KCNAB2: variants seen among roughly 807,000 people sequenced by gnomAD.
KCNAB2 encodes the protein voltage-gated potassium channel subunit beta-2.
Under a neutral mutation model 63.6 loss-of-function variants are expected in KCNAB2, and 29 were observed. That is an observed-to-expected ratio of 0.46 (90% CI 0.34 to 0.62). The LOEUF (loss-of-function observed/expected upper bound fraction) is 0.62. KCNAB2 is among the 20% of genes least tolerant of loss of function. The pLI is 0.01. For missense variants in KCNAB2, 359 were observed against 563.9 expected (o/e 0.64, Z 3.68); for synonymous variants, 222 against 224.2 (o/e 0.99, Z 0.09).
intron 1 of KCNAB2, among the ~76,000 whole-genome samples, chr1:6,022,223 T>C (rs1658880570): frequency 6.6e-6 from 1 of 151,830 alleles, no homozygotes; most frequent in South Asian, 2.1e-4. Context: ...GAGTGTACAG[T>C]TCAGTGGTAT....
chr1:6,092,305 G>T (rs1322486297), intron 10 of KCNAB2, among the ~76,000 whole-genome samples: 1 of 152,234 alleles, frequency 6.6e-6, no homozygotes, highest in Non-Finnish European at 1.5e-5. Context: ...CCTCCAGGGA[G>T]CCCAGGGGCC....
At chr1:6,083,634 C>G (rs886697749) in intron 5 of KCNAB2, among the ~76,000 whole-genome samples, 3 of 152,230 alleles carry the variant, frequency 2.0e-5, no homozygotes, top group Non-Finnish European at 2.9e-5. Context: ...CTGTCCAGCT[C>G]AGAGCTGAGC....
rs1252865324 is a variant in KCNAB2, at chr1:6,051,584, G to A, written c.48G>A (p.Arg16=). ...AGAGTCTGCGGAGCGTGAGCAGCAGGTGCCACTCTGAATGGGCCCTGCACC... is the reference window on the plus strand; with the variant it reads ...AGAGTCTGCGGAGCGTGAGCAGCAGATGCCACTCTGAATGGGCCCTGCACC... ...YSESLRSVSS[R]CHSEWALHPV... The change falls in exon 2 of 16, where the codon AGG becomes AGA. Residue 16 remains arginine (R), a synonymous_variant. Coordinates refer to ENST00000378083, the MANE Select transcript of KCNAB2 (RefSeq NM_001199862.2). The A allele has an allele frequency of 2.0e-6, 3 of 1,534,762 alleles. No homozygotes were observed. Among genetic ancestry groups the A allele is most frequent in the South Asian group, 1.2e-5 (1 of 83,984 alleles).
Position 6,040,776 on chromosome 1 carries a change from A to G in KCNAB2, c.77+131A>G, listed in dbSNP as rs1037197744. 7 of 621,806 alleles carry G rather than the reference A, an allele frequency of 1.1e-5. No homozygotes were observed. In the African/African-American group the frequency reaches 1.3e-4, roughly 12 times the overall value. 38.5% of individuals were successfully genotyped at this position (621,806 alleles called of 1,614,324 possible). A position where few individuals can be genotyped will look rare whatever the true frequency, so the allele number is the denominator to read the frequency against. On this transcript the variant is annotated intron_variant, in intron 2 of 15. Coordinates refer to the KCNAB2 transcript ENST00000164247. ...CAGGGCCCACAGGCTTCTGCCTTCC[A>G]CGGGGTTTTGAGGTGCACGCTGGTG... is the stretch of plus-strand genomic sequence containing the variant.
intron 2 of KCNAB2, among the ~76,000 whole-genome samples, chr1:6,059,570 G>A (rs1027021007): frequency 8.5e-5 from 13 of 152,184 alleles, no homozygotes; most frequent in Non-Finnish European, 1.8e-4. Flanking sequence ...GGACAAGCAA[G>A]GAGAGGGAGC....
chr1:6,021,138 G>A (rs56190043), intron 1 of KCNAB2, among the ~76,000 whole-genome samples: 16,304 of 152,184 alleles, frequency 0.11, 1,176 homozygotes, highest in Non-Finnish European at 0.16. Flanking sequence ...GACTGCAGGT[G>A]CACATCACCA....
chr1:6,095,936 C>CA (rs1432426063), intron 13 of KCNAB2, among the ~76,000 whole-genome samples: 2 of 149,952 alleles, frequency 1.3e-5, no homozygotes, highest in Admixed American at 1.3e-4. Context: ...CCCCCCACCA[C>CA]AGCCCAGCAT....
At chr1:6,056,641 C>T (rs1661852907) in intron 2 of KCNAB2, among the ~76,000 whole-genome samples, 1 of 152,212 alleles carries the variant, frequency 6.6e-6, no homozygotes, top group African/African-American at 2.4e-5. Context: ...CCCCGCAAGG[C>T]TCTACGTGGC....
intron 5 of KCNAB2, among the ~76,000 whole-genome samples, chr1:6,083,478 G>T (rs1039016475): frequency 6.6e-6 from 1 of 152,178 alleles, no homozygotes; most frequent in Non-Finnish European, 1.5e-5. Flanking sequence ...TGGTGAGCTG[G>T]GCAAGTTCCC....
At chr1:6,075,166 C>G (rs1371435809) in intron 4 of KCNAB2, among the ~76,000 whole-genome samples, 1 of 152,130 alleles carries the variant, frequency 6.6e-6, no homozygotes, top group South Asian at 2.1e-4. Context: ...GTTTCCCTTT[C>G]GATGTGGTTT....
At chr1:6,072,619 C>A in intron 2 of KCNAB2, 136 bp from the exon 3 acceptor site, 1 of 914,968 alleles carries the variant, frequency 1.1e-6, no homozygotes. Flanking sequence ...TCTGAAGGTC[C>A]CCGGTGCCTT....
chr1:6,027,144 C>T (rs1659241591), intron 1 of KCNAB2, among the ~76,000 whole-genome samples: 1 of 152,212 alleles, frequency 6.6e-6, no homozygotes, highest in Non-Finnish European at 1.5e-5. Context: ...CTTGCCTCCT[C>T]CATTTCCCCT....
At chr1:6,068,377 T>C (rs1415091225) in intron 2 of KCNAB2, among the ~76,000 whole-genome samples, 2 of 151,940 alleles carry the variant, frequency 1.3e-5, no homozygotes, top group African/African-American at 2.4e-5. Flanking sequence ...TGGACCAGAG[T>C]TCAAATCCCA....
upstream of KCNAB2, among the ~76,000 whole-genome samples, chr1:6,031,641 CT>C (rs1456021043): frequency 1.3e-5 from 2 of 152,076 alleles, no homozygotes. The surrounding 1 kb of genome is among the most constrained non-coding windows in gnomAD (Gnocchi z 4.1). Flanking sequence ...AATCCCAACC[CT>C]TTGGGAGACT....
At chr1:5,996,360 G>A (rs969964992) in intron 1 of KCNAB2, among the ~76,000 whole-genome samples, 1 of 152,126 alleles carries the variant, frequency 6.6e-6, no homozygotes. Flanking sequence ...CCCTCTTCCT[G>A]CACACCCACC....
chr1:6,005,056 A>G lies in KCNAB2; in HGVS notation c.-53+12268A>G, dbSNP rs1470743354. Among the ~76,000 whole-genome samples the G allele has an allele frequency of 2.1e-3, 29 of 13,768 alleles. 1 individual carries two copies. The highest frequency in any genetic ancestry group is 4.8e-3 in the African/African-American group (27 of 5,622). 9.0% of individuals were successfully genotyped at this position (13,768 alleles called of 152,430 possible). A position where few individuals can be genotyped will look rare whatever the true frequency, so the allele number is the denominator to read the frequency against. On this transcript the variant is annotated intron_variant, in intron 1 of 16. Coordinates refer to the KCNAB2 transcript ENST00000341524. ...GACGCGGGGGCTGAGCTGAGGGGTG[A>G]GGGTAGAGTGGGGGACATGGAAGCT...
intron 1 of KCNAB2, among the ~76,000 whole-genome samples, chr1:5,996,856 C>T (rs145754550): frequency 1.3e-3 from 203 of 152,270 alleles, no homozygotes; most frequent in African/African-American, 4.7e-3. Context: ...TCTCAGACCC[C>T]GCACCAGATT....
At chr1:5,999,962 A>C (rs1570812384) in intron 1 of KCNAB2, among the ~76,000 whole-genome samples, 1 of 144,822 alleles carries the variant, frequency 6.9e-6, no homozygotes, top group Non-Finnish European at 1.5e-5. Flanking sequence ...CCCCGTCCGC[A>C]CCCTGCCTGC....
At chr1:6,052,745 C>T (rs1312586352) in intron 2 of KCNAB2, among the ~76,000 whole-genome samples, 1 of 152,194 alleles carries the variant, frequency 6.6e-6, no homozygotes, top group East Asian at 1.9e-4. Context: ...AGAGGACCCT[C>T]CCCACCCAGT....
Sources: allele counts gnomAD v4.1 joint callset (sites outside exome capture counted in the v4.1 genomes callset), GRCh38; gene constraint gnomAD v4.1.1; non-coding constraint Gnocchi (gnomAD v3.1); transcripts MANE v1.5; gene names NCBI Gene and HGNC (gene_info 2026-07-23, HGNC 2026-07-21).